FAM83G: variants seen among roughly 807,000 people sequenced by gnomAD.
FAM83G encodes scaffolding CK1 anchoring protein G.
FAM83G carries 38 observed loss-of-function variants against 61.5 expected under a neutral mutation model. That is an observed-to-expected ratio of 0.62 (90% CI 0.48 to 0.81). The LOEUF is 0.81. Among genes scored for constraint, FAM83G ranks in the 30% least tolerant of loss-of-function variants. The pLI is 0.00. For synonymous variants in FAM83G, 470 were observed against 476.1 expected, an observed-to-expected ratio of 0.99 and a Z score of 0.17; for missense variants, 989 against 1,133.6, an observed-to-expected ratio of 0.87 and a Z score of 1.83.
At chr17:19,005,358 G>A (rs60269272), upstream of FAM83G, among the ~76,000 whole-genome samples, 3,188 of 152,274 alleles carry the variant, frequency 0.021, 95 homozygotes, top group African/African-American at 0.067. Context: ...GTGGGCTGGG[G>A]TCAGGCCCAG....
chr17:18,980,505 GAC>G (rs1283718189), intron 3 of FAM83G, among the ~76,000 whole-genome samples: 1 of 152,114 alleles, frequency 6.6e-6, no homozygotes, highest in South Asian at 2.1e-4. Context: ...CCTTTTCCTG[GAC>G]CCTGAACACA....
intron 2 of FAM83G, among the ~76,000 whole-genome samples, chr17:19,002,574 A>T (rs2043758181): frequency 6.6e-6 from 1 of 152,218 alleles, no homozygotes; most frequent in African/African-American, 2.4e-5. Context: ...TGAGGCCCAG[A>T]CCTGGCTTCA....
Position 18,969,227 on chromosome 17 carries a change from C to G in FAM83G, c.*2132G>C. The stretch of plus-strand genomic sequence containing the variant: ...GGGGTCAGAAGGCCACCTCCCCCTA[C>G]AGGCCCGAGGGAGCAGCCCAGGAAG... On this transcript the variant is annotated 3_prime_UTR_variant, in exon 6 of 6. Coordinates refer to ENST00000388995, the MANE Select transcript of FAM83G (RefSeq NM_001039999.3). The G allele has an allele frequency of 5.7e-6, 9 of 1,581,596 alleles. No individual in the cohort carries two copies. Among genetic ancestry groups the G allele is most frequent in the Non-Finnish European group, 7.8e-6 (9 of 1,158,184 alleles).
At chr17:18,999,096 G>A (rs1292521555) in intron 2 of FAM83G, among the ~76,000 whole-genome samples, 3 of 152,098 alleles carry the variant, frequency 2.0e-5, no homozygotes, top group African/African-American at 4.8e-5. Flanking sequence ...TGACCAATAC[G>A]GTGAAACCCC....
chr17:18,971,459 G>T lies in FAM83G; in HGVS notation c.2372C>A (p.Ser791Tyr). Reference sequence around the variant, plus strand: ...CCTGGCCTTTAGGTGCTTCGACTGAGACAGTTTGGAGTATGGGATTCCGAA... The same window carrying T: ...CCTGGCCTTTAGGTGCTTCGACTGATACAGTTTGGAGTATGGGATTCCGAA... ...SPFGIPYSKL[S>Y]QSKHLKARTG... is the part of the protein sequence containing the mutation. Residue 791 changes from serine to tyrosine, a missense_variant, in exon 6 of 6, where the codon TCT becomes TAT. Ser to Tyr is a moderately radical substitution (Grantham distance 144). This residue lies in a region of FAM83G where 574 missense variants were observed against 645.1 expected (regional missense o/e 0.89). Transcript: ENST00000388995. The surrounding 1 kb of genome is among the most constrained non-coding windows in gnomAD (Gnocchi z 5.5). 6.2e-7 allele frequency: 1 copy of T among 1,613,988 alleles called. No individual in the cohort carries two copies.
chr17:18,971,887 GA>G lies in FAM83G; in HGVS notation c.2083-140del. 1.1e-6 allele frequency: 1 copy of G among 871,084 alleles called. No homozygotes were observed. The highest frequency in any genetic ancestry group is 1.7e-6 in the Non-Finnish European group (1 of 584,600). 54.0% of individuals were successfully genotyped at this position (871,084 alleles called of 1,614,324 possible). ...TGCCATTCACCAGGGAGTGGGCCTA[GA>G]CCAGTTGGTTTAGTCACTCGATGCC... On this transcript the variant is annotated intron_variant, in intron 5 of 5. Coordinates refer to ENST00000388995, the MANE Select transcript of FAM83G (RefSeq NM_001039999.3). The surrounding 1 kb of genome is among the most constrained non-coding windows in gnomAD (Gnocchi z 5.5).
intron 2 of FAM83G, 87 bp from the exon 3 acceptor site, chr17:18,988,501 C>G: frequency 6.4e-7 from 1 of 1,565,850 alleles, no homozygotes; most frequent in Non-Finnish European, 8.7e-7. Context: ...CCCTCCCATG[C>G]CACCAGCCTC....
intron 2 of FAM83G, among the ~76,000 whole-genome samples, chr17:19,001,089 C>T (rs1390650787): frequency 6.6e-6 from 1 of 152,218 alleles, no homozygotes; most frequent in Non-Finnish European, 1.5e-5. Flanking sequence ...AGCGACTAAC[C>T]AGTTTCTACA....
intron 2 of FAM83G, among the ~76,000 whole-genome samples, chr17:19,002,318 A>C (rs2043751350): frequency 6.6e-6 from 1 of 152,072 alleles, no homozygotes; most frequent in Non-Finnish European, 1.5e-5. Context: ...CAGCTAGCTG[A>C]CCCAACTGGT....
intron 2 of FAM83G, among the ~76,000 whole-genome samples, chr17:19,002,281 C>G (rs1390069291): frequency 1.3e-5 from 2 of 152,246 alleles, no homozygotes; most frequent in Non-Finnish European, 2.9e-5. Context: ...TTGAGAGCAG[C>G]CAGGCCAGGG....
chr17:18,984,563 A>G (rs2043220642), intron 3 of FAM83G, among the ~76,000 whole-genome samples: 1 of 152,138 alleles, frequency 6.6e-6, no homozygotes, highest in Admixed American at 6.5e-5. Context: ...TTCTTTGTTC[A>G]TCAGAAACGG....
chr17:18,998,246 C>T (rs2043617326), intron 2 of FAM83G, among the ~76,000 whole-genome samples: 1 of 152,282 alleles, frequency 6.6e-6, no homozygotes, highest in Non-Finnish European at 1.5e-5. Flanking sequence ...CAGAGGGTAG[C>T]TCAGTGCTTT....
At position 19,003,508 on chromosome 17, in the gene FAM83G, G is replaced by T; in HGVS notation, c.522+12C>A. On this transcript the variant is annotated intron_variant, in intron 2 of 5. Transcript: ENST00000388995. The surrounding 1 kb of genome is among the most constrained non-coding windows in gnomAD (Gnocchi z 4.5). ...TTGGGCCATGGCTCCAGGAGTCCCC[G>T]CGCTGCCTCACCTTCTGTGCCTGGC... is the stretch of plus-strand genomic sequence containing the variant. 1 of 1,520,032 alleles carries T rather than the reference G, an allele frequency of 6.6e-7. No homozygotes were observed. 94.2% of individuals were successfully genotyped at this position (1,520,032 alleles called of 1,614,324 possible).
intron 5 of FAM83G, among the ~76,000 whole-genome samples, chr17:18,974,958 C>A (rs1172484948): frequency 6.6e-6 from 1 of 152,164 alleles, no homozygotes; most frequent in African/African-American, 2.4e-5. Flanking sequence ...AAAGCCCCTG[C>A]CCTATTCAGG....
chr17:18,999,928 C>T (rs2043685298), intron 2 of FAM83G, among the ~76,000 whole-genome samples: 1 of 152,212 alleles, frequency 6.6e-6, no homozygotes, highest in Non-Finnish European at 1.5e-5. Context: ...TGCTAAGGCC[C>T]CCCTGCTGTG....
At chr17:18,997,252 C>A (rs1003876677) in intron 2 of FAM83G, among the ~76,000 whole-genome samples, 3 of 152,388 alleles carry the variant, frequency 2.0e-5, no homozygotes, top group South Asian at 2.1e-4. Context: ...CTACCTCCCC[C>A]AGACGGACAT....
At position 18,969,359 on chromosome 17, in the gene FAM83G, A is replaced by C; in HGVS notation, c.*2000T>G. ...ACTGGCAGGGGGCCTGGCTGCTGTA[A>C]TCTACACGGACGCCCTGCAGACGCT... On this transcript the variant is annotated 3_prime_UTR_variant, in exon 6 of 6. Transcript: ENST00000388995. The C allele has an allele frequency of 1.2e-6, 2 of 1,613,594 alleles. No individual in the cohort carries two copies. The highest frequency in any genetic ancestry group is 1.7e-6 in the Non-Finnish European group (2 of 1,180,014).
intron 2 of FAM83G, among the ~76,000 whole-genome samples, chr17:18,992,108 A>T (rs2043441214): frequency 6.6e-6 from 1 of 152,086 alleles, no homozygotes; most frequent in South Asian, 2.1e-4. Flanking sequence ...CACCTCCGGC[A>T]TGTCTGTCCA....
intron 5 of FAM83G, among the ~76,000 whole-genome samples, chr17:18,972,351 C>T (rs750124105): frequency 2.6e-5 from 4 of 152,232 alleles, no homozygotes; most frequent in South Asian, 4.1e-4. Context: ...GTGGAATGAA[C>T]GATCACAGCG....
Sources: gnomAD v4.1 joint callset for allele counts (sites outside exome capture counted in the v4.1 genomes callset) on GRCh38, gnomAD v4.1.1 for gene constraint, gnomAD v4.1.1 regional missense constraint, Gnocchi (gnomAD v3.1) non-coding constraint, MANE v1.5 for transcripts, NCBI Gene and HGNC (gene_info 2026-07-23, HGNC 2026-07-21) for gene names.